ARHGEF4: variants seen among roughly 807,000 people sequenced by gnomAD.
ARHGEF4 encodes Rho guanine nucleotide exchange factor 4, also known as APC-stimulated guanine nucleotide exchange factor 1.
ARHGEF4 carries 119 observed loss-of-function variants against 162.0 expected under a neutral mutation model. The ratio of observed to expected loss-of-function variants is 0.73; its 90% CI spans 0.63 to 0.86. The LOEUF (loss-of-function observed/expected upper bound fraction) is 0.86, where lower values mean the gene tolerates loss of function less well. ARHGEF4 is among the 40% of genes least tolerant of loss of function. The probability of loss-of-function intolerance (pLI) is 0.00; values close to 1 mark genes in which losing one functional copy is unlikely to be tolerated. For missense variants in ARHGEF4, 2,488 were observed against 2,456.0 expected (o/e 1.01, Z -0.28); for synonymous variants, 1,014 against 979.9 (o/e 1.03, Z -0.65).
intron 1 of ARHGEF4, among the ~76,000 whole-genome samples, chr2:130,909,693 TAAAAC>T (rs1681053562): frequency 6.7e-6 from 1 of 150,146 alleles, no homozygotes; most frequent in South Asian, 2.1e-4. Flanking sequence ...ACAAAGAAAA[TAAAAC>T]AAAGACCCTT....
chr2:130,902,347 A>G (rs114238749), intron 1 of ARHGEF4, among the ~76,000 whole-genome samples: 1 of 151,708 alleles, frequency 6.6e-6, no homozygotes, highest in Non-Finnish European at 1.5e-5. Flanking sequence ...AAAGCTGGGC[A>G]CTTTGGGAGG....
rs182730706 is a variant in ARHGEF4 at position 130,991,908 on chromosome 2, C to G, written c.3986-36037C>G. On this transcript the variant is annotated intron_variant, in intron 4 of 13. Coordinates refer to ENST00000409359, the MANE Select transcript of ARHGEF4 (RefSeq NM_001367493.1). ...CACTGGGTGAAGCCAGCTGGGCTCC[C>G]GAGTCTGGTGGGGACGTGGAGAATC... 2.6e-5 allele frequency among the ~76,000 whole-genome samples: 4 copies of G among 152,332 alleles called. 1 individual carries two copies. Among genetic ancestry groups the G allele is most frequent in the South Asian group, 4.1e-4 (2 of 4,832 alleles).
rs272119 is a variant in ARHGEF4 at position 130,870,067 on chromosome 2, C to T, written c.39+33075C>T. Among the ~76,000 whole-genome samples, 494 of 152,300 alleles carry T rather than the reference C, an allele frequency of 3.2e-3. 2 individuals carry two copies. The highest frequency in any genetic ancestry group is 0.012 in the African/African-American group (485 of 41,576). ...GCTCAGCGTTTTGGGGCAGTGTGAA[C>T]GTCTCCCTGCCACTGAGAACAATAT... On this transcript the variant is annotated intron_variant, in intron 1 of 13. Coordinates refer to ENST00000409359, the MANE Select transcript of ARHGEF4 (RefSeq NM_001367493.1).
chr2:131,033,895 C>G (rs563041023), intron 5 of ARHGEF4, among the ~76,000 whole-genome samples: 1 of 152,288 alleles, frequency 6.6e-6, no homozygotes, highest in African/African-American at 2.4e-5. Flanking sequence ...ACCCCACCCA[C>G]ATACACACAG....
chr2:130,845,809 C>T (rs1310690911), intron 1 of ARHGEF4, among the ~76,000 whole-genome samples: 3 of 152,160 alleles, frequency 2.0e-5, no homozygotes, highest in South Asian at 2.1e-4. Flanking sequence ...CACATCAGGC[C>T]GGATGGGCCT....
At chr2:130,981,814 C>G (rs1686140752) in intron 4 of ARHGEF4, among the ~76,000 whole-genome samples, 1 of 152,096 alleles carries the variant, frequency 6.6e-6, no homozygotes. Context: ...AAGTCAGTAT[C>G]CTTAAGTCCA....
At chr2:131,006,711 T>C (rs1174015501) in intron 4 of ARHGEF4, among the ~76,000 whole-genome samples, 1 of 152,216 alleles carries the variant, frequency 6.6e-6, no homozygotes. Flanking sequence ...TTGCCTGGAC[T>C]GGGGAGTGGG....
intron 1 of ARHGEF4, among the ~76,000 whole-genome samples, chr2:130,904,681 G>A (rs923588311): frequency 4.6e-5 from 7 of 152,050 alleles, no homozygotes; most frequent in African/African-American, 1.7e-4. Flanking sequence ...TGATTTACAT[G>A]TATATAAAAG....
At chr2:130,903,099 G>A (rs1680589023) in intron 1 of ARHGEF4, among the ~76,000 whole-genome samples, 1 of 142,804 alleles carries the variant, frequency 7.0e-6, no homozygotes, top group South Asian at 2.3e-4. Context: ...TCCCTCTGCT[G>A]TTCTTTATAT....
At chr2:130,872,781 C>T (rs1428601565) in intron 1 of ARHGEF4, among the ~76,000 whole-genome samples, 1 of 152,164 alleles carries the variant, frequency 6.6e-6, no homozygotes, top group Non-Finnish European at 1.5e-5. Context: ...ACACAAACTC[C>T]GTATGTGTCA....
chr2:130,918,564 G>A (rs1438323569), intron 2 of ARHGEF4, among the ~76,000 whole-genome samples: 2 of 152,202 alleles, frequency 1.3e-5, no homozygotes, highest in Non-Finnish European at 2.9e-5. Flanking sequence ...GCTCCCCTCC[G>A]CCTGCAGGCA....
In ARHGEF4 at chr2:131,002,121, G is replaced by A. The variant is rs149899934; in HGVS notation, c.3986-25824G>A. 7.2e-5 allele frequency among the ~76,000 whole-genome samples: 11 copies of A among 152,292 alleles called. No individual in the cohort carries two copies. The East Asian group carries it at 2.1e-3, about 29-fold the overall frequency. ...CTACTGGCTGCAGGGCTCTGTTCTG[G>A]ATGCTTGGAGTACAGTGGTAAACAA... On this transcript the variant is annotated intron_variant, in intron 4 of 13. Transcript: ENST00000409359.
intron 2 of ARHGEF4, 62 bp from the exon 3 acceptor site, chr2:130,930,890 C>T (rs920708099): frequency 5.4e-6 from 8 of 1,484,670 alleles, no homozygotes; most frequent in African/African-American, 4.2e-5. Flanking sequence ...GGAAGGACAG[C>T]GTGTTCCCAG....
At chr2:131,036,374 G>A (rs1044325482) in intron 5 of ARHGEF4, among the ~76,000 whole-genome samples, 1 of 152,242 alleles carries the variant, frequency 6.6e-6, no homozygotes, top group Non-Finnish European at 1.5e-5. Flanking sequence ...GGGAGACACA[G>A]GAGGAGAGCT....
intron 3 of ARHGEF4, among the ~76,000 whole-genome samples, chr2:130,945,856 A>G (rs1045899995): frequency 4.7e-4 from 72 of 152,332 alleles, no homozygotes; most frequent in Middle Eastern, 3.4e-3. Flanking sequence ...CACTAAAAGA[A>G]TTTTCTAAGC....
intron 1 of ARHGEF4, among the ~76,000 whole-genome samples, chr2:130,913,732 C>G (rs563237688): frequency 6.6e-6 from 1 of 152,176 alleles, no homozygotes; most frequent in African/African-American, 2.4e-5. Flanking sequence ...TGCGTTGGTC[C>G]GGTTCTGATT....
intron 4 of ARHGEF4, among the ~76,000 whole-genome samples, chr2:130,977,358 T>C (rs1685807981): frequency 6.6e-6 from 1 of 151,906 alleles, no homozygotes; most frequent in Non-Finnish European, 1.5e-5. Flanking sequence ...TAGAGTATGG[T>C]GCCTATATTG....
At chr2:131,031,646 G>T (rs1161021764) in intron 5 of ARHGEF4, among the ~76,000 whole-genome samples, 1 of 152,138 alleles carries the variant, frequency 6.6e-6, no homozygotes, top group Non-Finnish European at 1.5e-5. Flanking sequence ...TGCCCCTCGT[G>T]AGTGTCCAGT....
chr2:130,988,225 C>T (rs556604176), intron 4 of ARHGEF4, among the ~76,000 whole-genome samples: 109 of 152,314 alleles, frequency 7.2e-4, no homozygotes, highest in South Asian at 1.7e-3. Context: ...TCACCTCCTC[C>T]GCAGCCGTGT....
Sources: allele counts gnomAD v4.1 joint callset (sites outside exome capture counted in the v4.1 genomes callset), GRCh38; gene constraint gnomAD v4.1.1; transcripts MANE v1.5; gene names NCBI Gene and HGNC (gene_info 2026-07-23, HGNC 2026-07-21).